NMNAT3: variants seen among roughly 807,000 people sequenced by gnomAD.
The protein encoded by NMNAT3 is nicotinamide/nicotinic acid mononucleotide adenylyltransferase 3.
A neutral mutation model predicts 24.8 loss-of-function variants in NMNAT3; 21 were observed. The observed-to-expected ratio is 0.85, with a 90% CI of 0.60 to 1.22. NMNAT3 has a LOEUF of 1.22. NMNAT3 is among the 50% of genes most tolerant of loss of function. NMNAT3 has a pLI of 0.00. For missense variants in NMNAT3, 387 were observed against 436.6 expected, an observed-to-expected ratio of 0.89 and a Z score of 1.01; for synonymous variants, 136 against 155.2, an observed-to-expected ratio of 0.88 and a Z score of 0.92.
intron 3 of NMNAT3, among the ~76,000 whole-genome samples, chr3:139,622,721 C>T (rs575842504): frequency 5.0e-4 from 72 of 144,194 alleles, no homozygotes; most frequent in Non-Finnish European, 7.8e-4. Flanking sequence ...GGTGACAGAG[C>T]AAGACTCTGT....
At chr3:139,569,554 T>C (rs938940699) in intron 6 of NMNAT3, 1 of 152,220 alleles carries the variant, frequency 6.6e-6, no homozygotes, top group Non-Finnish European at 1.5e-5. Flanking sequence ...ACAAAATCTC[T>C]CAGCATTTGC....
chr3:139,563,608 C>T (rs1936742206), intron 6 of NMNAT3, among the ~76,000 whole-genome samples: 1 of 152,172 alleles, frequency 6.6e-6, no homozygotes, highest in African/African-American at 2.4e-5. Context: ...CCCCCCAAAT[C>T]AAAGGCATGT....
intron 1 of NMNAT3, among the ~76,000 whole-genome samples, chr3:139,660,990 A>T (rs1234381977): frequency 6.6e-6 from 1 of 152,228 alleles, no homozygotes. Flanking sequence ...TATTTCACAA[A>T]ACACCATGGT....
At chr3:139,561,519 G>A (rs1269113824) in intron 6 of NMNAT3, 127 bp from the exon 7 acceptor site, 3 of 843,614 alleles carry the variant, frequency 3.6e-6, no homozygotes, top group Non-Finnish European at 5.5e-6. Context: ...CCATGTTCAT[G>A]ACTTGAAAAG....
chr3:139,602,309 A>T (rs895644051), intron 3 of NMNAT3, among the ~76,000 whole-genome samples: 3 of 152,172 alleles, frequency 2.0e-5, no homozygotes, highest in African/African-American at 7.2e-5. Context: ...GGTTAACAGC[A>T]TTGTATTAGG....
At chr3:139,619,558 C>G (rs2055665919) in intron 3 of NMNAT3, among the ~76,000 whole-genome samples, 1 of 152,142 alleles carries the variant, frequency 6.6e-6, no homozygotes, top group Admixed American at 6.5e-5. Flanking sequence ...AAAGGAGAGC[C>G]TGCAAGTCCA....
At chr3:139,577,553 A>G (rs549066295) in intron 5 of NMNAT3, among the ~76,000 whole-genome samples, 2 of 152,294 alleles carry the variant, frequency 1.3e-5, no homozygotes, top group South Asian at 2.1e-4. Flanking sequence ...CCTACATATT[A>G]AAGCTAAATT....
At chr3:139,563,927 C>T (rs138135923) in intron 6 of NMNAT3, among the ~76,000 whole-genome samples, 3 of 152,310 alleles carry the variant, frequency 2.0e-5, no homozygotes, top group Non-Finnish European at 4.4e-5. Context: ...GCAGTGTGCT[C>T]TACCTTTGAG....
chr3:139,613,867 C>T (rs577150846), intron 3 of NMNAT3, among the ~76,000 whole-genome samples: 3 of 152,156 alleles, frequency 2.0e-5, no homozygotes, highest in African/African-American at 7.2e-5. Flanking sequence ...CCATCATTCT[C>T]AGCAAAGTAT....
At chr3:139,613,285 C>G (rs563592900) in intron 3 of NMNAT3, among the ~76,000 whole-genome samples, 1 of 152,118 alleles carries the variant, frequency 6.6e-6, no homozygotes, top group African/African-American at 2.4e-5. Context: ...AACAAATTTA[C>G]AAGAAAAAAT....
At chr3:139,567,439 G>A (rs999958043) in intron 6 of NMNAT3, 1 of 152,234 alleles carries the variant, frequency 6.6e-6, no homozygotes, top group Admixed American at 6.5e-5. Context: ...TCTTGTGCCC[G>A]TTTTCAAAGG....
At chr3:139,622,788 T>C (rs2055852948) in intron 3 of NMNAT3, among the ~76,000 whole-genome samples, 1 of 142,404 alleles carries the variant, frequency 7.0e-6, no homozygotes, top group Non-Finnish European at 1.5e-5. Flanking sequence ...ATGATATATA[T>C]ATGATATATA....
At chr3:139,622,481 T>C (rs963499565) in intron 3 of NMNAT3, among the ~76,000 whole-genome samples, 2 of 151,688 alleles carry the variant, frequency 1.3e-5, no homozygotes, top group Non-Finnish European at 2.9e-5. Context: ...ACACCTTTAA[T>C]CCCAGCACTT....
At chr3:139,570,034 G>T (rs1366401534) in intron 6 of NMNAT3, 1 of 152,138 alleles carries the variant, frequency 6.6e-6, no homozygotes, top group Non-Finnish European at 1.5e-5. Context: ...TGGAGGCTTT[G>T]TTCGTTTCTT....
chr3:139,621,255 T>C (rs1221792519), intron 3 of NMNAT3, among the ~76,000 whole-genome samples: 1 of 152,258 alleles, frequency 6.6e-6, no homozygotes, highest in Non-Finnish European at 1.5e-5. Flanking sequence ...CACCGTGATC[T>C]TCATCTGCAT....
intron 3 of NMNAT3, among the ~76,000 whole-genome samples, chr3:139,591,439 G>A (rs796924039): frequency 2.0e-4 from 29 of 147,862 alleles, no homozygotes; most frequent in African/African-American, 4.3e-4. Context: ...CAAAGCAGCC[G>A]GGAAGCTCGA....
At chr3:139,610,202 C>T (rs1406131318) in intron 3 of NMNAT3, among the ~76,000 whole-genome samples, 1 of 152,100 alleles carries the variant, frequency 6.6e-6, no homozygotes, top group African/African-American at 2.4e-5. Context: ...AAATAAAGCA[C>T]ACTCATCTGC....
At chr3:139,582,567 AG>A (rs1251929263) in intron 4 of NMNAT3, among the ~76,000 whole-genome samples, 1 of 135,472 alleles carries the variant, frequency 7.4e-6, no homozygotes, top group Non-Finnish European at 1.5e-5. Context: ...ACTTGAACCC[AG>A]GAGGAGGAGG....
intron 1 of NMNAT3, among the ~76,000 whole-genome samples, chr3:139,668,551 G>A (rs547372245): frequency 1.3e-4 from 20 of 152,342 alleles, no homozygotes; most frequent in Admixed American, 2.6e-4. Flanking sequence ...TAACAGAGAG[G>A]TGGCTCAAAA....
Sources: allele counts gnomAD v4.1 joint callset (sites outside exome capture counted in the v4.1 genomes callset), GRCh38; gene constraint gnomAD v4.1.1; transcripts MANE v1.5; gene names NCBI Gene and HGNC (gene_info 2026-07-23, HGNC 2026-07-21).